Variants in NHS observed in about 807,000 individuals in gnomAD.
The protein encoded by NHS is actin remodeling regulator NHS.
In NHS, 5 loss-of-function variants were observed where a neutral mutation model predicts 72.5. The ratio of observed to expected loss-of-function variants is 0.07; its 90% CI spans 0.04 to 0.14. NHS has a LOEUF of 0.14. NHS is among the 10% of genes least tolerant of loss of function. The probability of loss-of-function intolerance (pLI) is 1.00; values close to 1 mark genes in which losing one functional copy is unlikely to be tolerated. For synonymous variants in NHS, 464 were observed against 547.7 expected, an observed-to-expected ratio of 0.85 and a Z score of 2.13; for missense variants, 1,072 against 1,355.7, an observed-to-expected ratio of 0.79 and a Z score of 3.29.
chrX:17,587,153 C>T (rs1192474413), intron 1 of NHS: 1 of 112,324 alleles, frequency 8.9e-6, no homozygotes, highest in African/African-American at 3.2e-5. Flanking sequence ...AAAATGAGAT[C>T]TCTCTCATGC....
intron 1 of NHS, among the ~76,000 whole-genome samples, chrX:17,493,555 T>C (rs2065000261): frequency 8.9e-6 from 1 of 112,079 alleles, no homozygotes; most frequent in African/African-American, 3.2e-5. Flanking sequence ...TAGTAGGTGC[T>C]TAGTAAACTC....
intron 1 of NHS, among the ~76,000 whole-genome samples, chrX:17,663,426 T>G (rs1327939284): frequency 8.9e-6 from 1 of 112,065 alleles, no homozygotes; most frequent in South Asian, 3.7e-4. Context: ...TATTCTGATT[T>G]CTATCATATA....
intron 1 of NHS, among the ~76,000 whole-genome samples, chrX:17,531,867 G>A (rs1443753386): frequency 1.8e-5 from 2 of 112,759 alleles, no homozygotes; most frequent in African/African-American, 6.4e-5. Flanking sequence ...TCTCCAGCCA[G>A]TGAGATTCCT....
At chrX:17,551,459 C>G (rs1319394769) in intron 1 of NHS, among the ~76,000 whole-genome samples, 1 of 111,862 alleles carries the variant, frequency 8.9e-6, no homozygotes, top group Admixed American at 9.4e-5. Context: ...CCTTCCCCAG[C>G]AGTCTTGATG....
chrX:17,463,853 G>A (rs1161196597), intron 1 of NHS, among the ~76,000 whole-genome samples: 1 of 112,052 alleles, frequency 8.9e-6, no homozygotes, highest in Admixed American at 9.4e-5. Context: ...GGGCCTGATC[G>A]AATGCTGATA....
At chrX:17,637,038 T>C (rs1485856603) in intron 1 of NHS, among the ~76,000 whole-genome samples, 1 of 111,858 alleles carries the variant, frequency 8.9e-6, no homozygotes, top group Non-Finnish European at 1.9e-5. Context: ...TGCATGTTTT[T>C]AAAACTCCCC....
At chrX:17,603,637 TCAAA>T (rs1002608854) in intron 1 of NHS, among the ~76,000 whole-genome samples, 2 of 112,172 alleles carry the variant, frequency 1.8e-5, no homozygotes, top group African/African-American at 6.5e-5. Context: ...TATTAATGGT[TCAAA>T]CAAAGAACAT....
At chrX:17,646,846 T>C (rs1245472732) in intron 1 of NHS, among the ~76,000 whole-genome samples, 1 of 112,440 alleles carries the variant, frequency 8.9e-6, no homozygotes, top group East Asian at 2.8e-4. Flanking sequence ...CTTATGTTTA[T>C]AAGGAAGGTT....
rs778100527 is a variant in NHS at position 17,655,625 on chromosome X, C to G, written c.566-32117C>G. Among the ~76,000 whole-genome samples the G allele has an allele frequency of 6.2e-5, 7 of 112,862 alleles. No homozygotes were observed. The East Asian group carries it at 1.7e-3, about 27-fold the overall frequency. On this transcript the variant is annotated intron_variant, in intron 1 of 8. Coordinates refer to ENST00000676302, the MANE Select transcript of NHS (RefSeq NM_001291867.2). ...GCTGTCCGTGGAGCATTGGTGCAGC[C>G]GTGCCTTGCTGCCCCGGAGGTTTGG...
At chrX:17,596,142 C>G (rs1054717278) in intron 1 of NHS, among the ~76,000 whole-genome samples, 21 of 112,387 alleles carry the variant, frequency 1.9e-4, no homozygotes, top group African/African-American at 6.5e-4. Context: ...GTTTTTCAGT[C>G]TGTAGGTCTG....
chrX:17,641,646 CCTCT>C (rs1471424375), intron 1 of NHS, among the ~76,000 whole-genome samples: 1 of 110,773 alleles, frequency 9.0e-6, no homozygotes, highest in African/African-American at 3.3e-5. Flanking sequence ...AAGCTGAGAA[CCTCT>C]CTATCTTTAA....
At chrX:17,471,434 G>A (rs975242283) in intron 1 of NHS, among the ~76,000 whole-genome samples, 2 of 111,581 alleles carry the variant, frequency 1.8e-5, no homozygotes, top group Admixed American at 9.5e-5. Context: ...CCACCGGGGT[G>A]GAAAAGAGCA....
At chrX:17,476,423 T>A (rs775996945) in intron 1 of NHS, among the ~76,000 whole-genome samples, 1 of 111,536 alleles carries the variant, frequency 9.0e-6, no homozygotes, top group South Asian at 3.8e-4. Context: ...AGGAATTAGA[T>A]GTCTTGTGTT....
At chrX:17,470,716 C>T in intron 1 of NHS, among the ~76,000 whole-genome samples, 1 of 111,188 alleles carries the variant, frequency 9.0e-6, no homozygotes, top group Non-Finnish European at 1.9e-5. Flanking sequence ...CTCAAATATT[C>T]TCATGGCTTG....
At chrX:17,663,092 T>C (rs2065990968) in intron 1 of NHS, among the ~76,000 whole-genome samples, 2 of 111,785 alleles carry the variant, frequency 1.8e-5, no homozygotes, top group African/African-American at 3.3e-5. Flanking sequence ...CTCCCTAGTA[T>C]TGTGCAGGCT....
chrX:17,619,937 C>A, intron 1 of NHS, among the ~76,000 whole-genome samples: 1 of 110,899 alleles, frequency 9.0e-6, no homozygotes, highest in East Asian at 2.8e-4. Flanking sequence ...TCTTTGTAGA[C>A]CATATGTCTC....
intron 1 of NHS, among the ~76,000 whole-genome samples, chrX:17,630,577 C>T (rs1392580402): frequency 9.0e-6 from 1 of 110,963 alleles, no homozygotes; most frequent in Non-Finnish European, 1.9e-5. Context: ...CCAGGTGACA[C>T]CAGCTCTGTG....
intron 1 of NHS, among the ~76,000 whole-genome samples, chrX:17,491,830 G>T (rs1425651946): frequency 3.8e-5 from 4 of 106,179 alleles, no homozygotes; most frequent in Admixed American, 2.0e-4. Flanking sequence ...TTCTATTCAG[G>T]GATTCGACTT....
chrX:17,522,250 T>C (rs933848199), intron 1 of NHS, among the ~76,000 whole-genome samples: 4 of 112,569 alleles, frequency 3.6e-5, no homozygotes, highest in African/African-American at 1.3e-4. Flanking sequence ...AGTTAGTTAG[T>C]GTGTGGATTC....
Sources: allele counts gnomAD v4.1 joint callset (sites outside exome capture counted in the v4.1 genomes callset), GRCh38; gene constraint gnomAD v4.1.1; transcripts MANE v1.5; gene names NCBI Gene and HGNC (gene_info 2026-07-23, HGNC 2026-07-21).